NHSL1: variants seen among roughly 807,000 people sequenced by gnomAD.
NHSL1 encodes the protein NHS-like protein 1.
NHSL1 carries 48 observed loss-of-function variants against 95.0 expected under a neutral mutation model. The ratio of observed to expected loss-of-function variants is 0.51; its 90% CI spans 0.40 to 0.64. The LOEUF is 0.64. Ranked by LOEUF, NHSL1 falls within the 30% of genes least tolerant of loss-of-function variation. The probability of loss-of-function intolerance (pLI) is 0.00; values close to 1 mark genes in which losing one functional copy is unlikely to be tolerated. For missense variants in NHSL1, 1,971 were observed against 2,077.7 expected (o/e 0.95, Z 1.00); for synonymous variants, 783 against 833.9 (o/e 0.94, Z 1.05).
intron 3 of NHSL1, among the ~76,000 whole-genome samples, chr6:138,449,978 T>C (rs1777124033): frequency 6.6e-6 from 1 of 152,218 alleles, no homozygotes; most frequent in African/African-American, 2.4e-5. Context: ...ATGTTGTTGG[T>C]GTCTTGTAAT....
At chr6:138,636,421 T>A (rs1258504865) in intron 1 of NHSL1, among the ~76,000 whole-genome samples, 1 of 151,892 alleles carries the variant, frequency 6.6e-6, no homozygotes, top group Non-Finnish European at 1.5e-5. Context: ...GCTAGAGAAA[T>A]CAGACAAGAG....
chr6:138,464,039 T>G (rs1778176550), intron 3 of NHSL1: 1 of 382,748 alleles, frequency 2.6e-6, no homozygotes, highest in African/African-American at 2.1e-5. Flanking sequence ...CAAGACTGAA[T>G]AAATATTTAC....
At chr6:138,456,259 G>A (rs1043741262) in intron 3 of NHSL1, among the ~76,000 whole-genome samples, 2 of 152,150 alleles carry the variant, frequency 1.3e-5, no homozygotes, top group Non-Finnish European at 2.9e-5. Flanking sequence ...CCTCACAGAC[G>A]AAAGCAACTT....
At chr6:138,496,534 C>T (rs181650490) in intron 1 of NHSL1, among the ~76,000 whole-genome samples, 163 bp from the exon 2 acceptor site, 65 of 152,274 alleles carry the variant, frequency 4.3e-4, no homozygotes, top group African/African-American at 1.5e-3. Flanking sequence ...CCAGGGGTCT[C>T]GCCCACAGTG....
intron 2 of NHSL1, among the ~76,000 whole-genome samples, chr6:138,478,962 C>T (rs1779254671): frequency 6.6e-6 from 1 of 152,190 alleles, no homozygotes; most frequent in Non-Finnish European, 1.5e-5. Flanking sequence ...GGTCATCTGA[C>T]TCTCACATGA....
chr6:138,532,319 T>C (rs971698906), intron 1 of NHSL1, among the ~76,000 whole-genome samples: 4 of 152,160 alleles, frequency 2.6e-5, no homozygotes, highest in Non-Finnish European at 5.9e-5. Context: ...CTGAAGGCAA[T>C]GGAACAGTGG....
intron 1 of NHSL1, among the ~76,000 whole-genome samples, chr6:138,557,023 A>C (rs768020777): frequency 2.0e-5 from 3 of 152,238 alleles, no homozygotes; most frequent in Non-Finnish European, 2.9e-5. Context: ...ATACTTGCTT[A>C]GTAAGTGAAA....
chr6:138,643,817 G>T (rs914237319), intron 1 of NHSL1, among the ~76,000 whole-genome samples: 1 of 151,958 alleles, frequency 6.6e-6, no homozygotes, highest in African/African-American at 2.4e-5. Context: ...TAGCCAACAT[G>T]GTGAAACCCA....
In NHSL1 at chr6:138,433,013, T is replaced by C. The variant is rs918758377; in HGVS notation, c.1332A>G (p.Ser444=). Residue 444 remains serine (S), a synonymous_variant, in exon 6 of 8, where the codon TCA becomes TCG. Coordinates refer to ENST00000343505, the MANE Select transcript of NHSL1 (RefSeq NM_001144060.2). The stretch of plus-strand genomic sequence containing the variant: ...GGTCTCTGGATTTTATCCTTGCATG[T>C]GATGAGCCAGAACTTTTACTTTCCC... ...GQRESKSSGS[S]HARIKSRDHL... 1.9e-6 allele frequency: 3 copies of C among 1,551,494 alleles called. No individual in the cohort carries two copies. In the African/African-American group the frequency reaches 4.1e-5, roughly 21 times the overall value.
At chr6:138,555,956 G>C (rs971225196) in intron 1 of NHSL1, among the ~76,000 whole-genome samples, 1 of 151,916 alleles carries the variant, frequency 6.6e-6, no homozygotes, top group Non-Finnish European at 1.5e-5. Flanking sequence ...TCCCTTCTTA[G>C]CTGCCAAACA....
chr6:138,449,357 T>TTAA (rs1777080372), intron 3 of NHSL1, among the ~76,000 whole-genome samples: 1 of 152,090 alleles, frequency 6.6e-6, no homozygotes, highest in Admixed American at 6.5e-5. Flanking sequence ...AGATGATAAA[T>TTAA]GTTAAAGTGT....
upstream of NHSL1, among the ~76,000 whole-genome samples, chr6:138,574,164 T>G (rs1783926560): frequency 6.6e-6 from 1 of 152,090 alleles, no homozygotes; most frequent in Non-Finnish European, 1.5e-5. Flanking sequence ...ATCCCCTGAC[T>G]TTGTGATCCG....
intron 1 of NHSL1, chr6:138,691,947 T>C (rs1302049322): frequency 4.4e-6 from 2 of 456,686 alleles, no homozygotes; most frequent in Non-Finnish European, 8.8e-6. Context: ...CTGCATAGTT[T>C]TGCTTGTCGG....
chr6:138,658,174 T>G (rs1785182361), intron 1 of NHSL1, among the ~76,000 whole-genome samples: 1 of 152,124 alleles, frequency 6.6e-6, no homozygotes. Flanking sequence ...AATTGACAAA[T>G]AAAAATTGTA....
At chr6:138,614,348 T>C (rs1294337842) in intron 1 of NHSL1, among the ~76,000 whole-genome samples, 1 of 152,202 alleles carries the variant, frequency 6.6e-6, no homozygotes, top group Non-Finnish European at 1.5e-5. Context: ...TGAGTGGAAA[T>C]ACTGGAGTCT....
At chr6:138,428,255 C>A (rs1775393259) in intron 7 of NHSL1, among the ~76,000 whole-genome samples, 1 of 152,156 alleles carries the variant, frequency 6.6e-6, no homozygotes, top group Non-Finnish European at 1.5e-5. Flanking sequence ...GCATTCCATA[C>A]TAAATGAAAT....
At chr6:138,524,404 C>T (rs1034049064) in intron 1 of NHSL1, among the ~76,000 whole-genome samples, 2 of 152,156 alleles carry the variant, frequency 1.3e-5, no homozygotes, top group African/African-American at 4.8e-5. Flanking sequence ...CTAGCCCCAT[C>T]CCCACACATA....
chr6:138,602,895 T>C (rs1266627538), intron 1 of NHSL1, among the ~76,000 whole-genome samples: 1 of 152,208 alleles, frequency 6.6e-6, no homozygotes, highest in East Asian at 1.9e-4. Flanking sequence ...TGTGGTGTTG[T>C]GACAAATTAA....
In NHSL1 at chr6:138,482,441, G is replaced by A. The variant is rs551045287; in HGVS notation, c.212-9008C>T. Among the ~76,000 whole-genome samples, 606 of 106,284 alleles carry A rather than the reference G, an allele frequency of 5.7e-3. 2 individuals are homozygous for A. Among genetic ancestry groups the A allele is most frequent in the Admixed American group, 7.3e-3 (59 of 8,072 alleles). 69.7% of individuals were successfully genotyped at this position (106,284 alleles called of 152,430 possible). A position where few individuals can be genotyped will look rare whatever the true frequency, so the allele number is the denominator to read the frequency against. On this transcript the variant is annotated intron_variant, in intron 2 of 7. Transcript: ENST00000343505. The stretch of plus-strand genomic sequence containing the variant: ...AGCCTGGGTGACAGAGCGAGACTCC[G>A]TCTCAAAAAAAAAAAAAAAAAAAAA...
Sources: gnomAD v4.1 joint callset for allele counts (sites outside exome capture counted in the v4.1 genomes callset) on GRCh38, gnomAD v4.1.1 for gene constraint, MANE v1.5 for transcripts, NCBI Gene and HGNC (gene_info 2026-07-23, HGNC 2026-07-21) for gene names.